Variants in ACSBG1 observed in about 807,000 individuals in gnomAD.
ACSBG1 encodes acyl-CoA synthetase bubblegum family member 1, also known as long-chain-fatty-acid--CoA ligase ACSBG1.
A neutral mutation model predicts 80.2 loss-of-function variants in ACSBG1; 39 were observed. The ratio of observed to expected loss-of-function variants is 0.49; its 90% CI spans 0.38 to 0.64. ACSBG1 has a LOEUF of 0.64. Ranked by LOEUF, ACSBG1 falls within the 30% of genes least tolerant of loss-of-function variation. The probability of loss-of-function intolerance (pLI) is 0.00; values close to 1 mark genes in which losing one functional copy is unlikely to be tolerated. For synonymous variants in ACSBG1, 392 were observed against 379.5 expected, an observed-to-expected ratio of 1.03 and a Z score of -0.38; for missense variants, 828 against 966.4, an observed-to-expected ratio of 0.86 and a Z score of 1.90.
rs1462619653 is a variant in ACSBG1, at chr15:78,168,933, A to G, written c.*2511T>C. On this transcript the variant is annotated 3_prime_UTR_variant, in exon 14 of 14. Coordinates refer to ENST00000258873, the MANE Select transcript of ACSBG1 (RefSeq NM_015162.5). The stretch of plus-strand genomic sequence containing the variant: ...TTTCCTTTTCTCAGAGCTTGACAAA[A>G]GATTTGGGAGGCAATGCAAAATGCT... The G allele has an allele frequency of 1.3e-6, 2 of 1,597,646 alleles. No homozygotes were observed. The highest frequency in any genetic ancestry group is 2.2e-5 in the South Asian group (2 of 89,940).
chr15:78,187,158 G>A (rs938401649), intron 5 of ACSBG1, among the ~76,000 whole-genome samples: 3 of 152,174 alleles, frequency 2.0e-5, no homozygotes, highest in Non-Finnish European at 2.9e-5. Context: ...CCAATAACAG[G>A]CTCTGAAATT....
chr15:78,200,845 T>C (rs1348919721), intron 2 of ACSBG1, among the ~76,000 whole-genome samples: 1 of 152,188 alleles, frequency 6.6e-6, no homozygotes, highest in Non-Finnish European at 1.5e-5. Context: ...AAGCCCCCGA[T>C]GGCTCTCATT....
intron 1 of ACSBG1, among the ~76,000 whole-genome samples, chr15:78,209,954 T>C (rs918752528): frequency 2.6e-5 from 4 of 152,224 alleles, no homozygotes; most frequent in African/African-American, 7.2e-5. Flanking sequence ...AGAAAATTAG[T>C]GTAAACTGGT....
intron 2 of ACSBG1, among the ~76,000 whole-genome samples, chr15:78,205,738 C>T (rs2075208107): frequency 2.0e-5 from 3 of 152,210 alleles, no homozygotes; most frequent in Admixed American, 6.5e-5. Flanking sequence ...GGACTTTCAG[C>T]TCTCCTAATC....
At chr15:78,204,068 C>A (rs959469555) in intron 2 of ACSBG1, among the ~76,000 whole-genome samples, 2 of 152,190 alleles carry the variant, frequency 1.3e-5, no homozygotes, top group South Asian at 4.1e-4. Context: ...TTCAGTAGTT[C>A]CTCTGTGTCT....
chr15:78,167,836 TAATTTGA>T lies in ACSBG1; in HGVS notation c.*3601_*3607del, dbSNP rs1424335473. 6.6e-6 allele frequency: 1 copy of T among 152,244 alleles called. No homozygotes were observed. The highest frequency in any genetic ancestry group is 1.5e-5 in the Non-Finnish European group (1 of 68,042). 9.4% of individuals were successfully genotyped at this position (152,244 alleles called of 1,614,324 possible). ...GGTCCCTTCTTTTAAAAAAATTCTGTAATTTGAAATTATATCGTGTGGCCAAAATACA... is the reference window on the plus strand; with the variant it reads ...GGTCCCTTCTTTTAAAAAAATTCTGTAATTATATCGTGTGGCCAAAATACA... On this transcript the variant is annotated 3_prime_UTR_variant, in exon 14 of 14. Transcript: ENST00000258873.
chr15:78,221,205 G>A (rs1383634369), intron 1 of ACSBG1, among the ~76,000 whole-genome samples: 5 of 152,108 alleles, frequency 3.3e-5, no homozygotes, highest in East Asian at 1.9e-4. Flanking sequence ...CTGCACCGGC[G>A]CCGGTCTCTG....
At position 78,223,430 on chromosome 15, in the gene ACSBG1, A is replaced by G. The variant is rs73463158; in HGVS notation, c.131+10941T>C. Among the ~76,000 whole-genome samples, 417 of 152,296 alleles carry G rather than the reference A, an allele frequency of 2.7e-3. 2 individuals are homozygous for G. Among genetic ancestry groups the G allele is most frequent in the African/African-American group, 9.6e-3 (401 of 41,556 alleles). On this transcript the variant is annotated intron_variant, in intron 1 of 13. Transcript: ENST00000258873. ...TGCACATCCTGCACATGTACCACAA[A>G]ACCAAAAATGAAAATAAATTAAAAA...
rs1317094623 is a variant in ACSBG1 at position 78,169,063 on chromosome 15, G to A, written c.*2381C>T. ...CTAAATGGACACCACATGAACCTCT[G>A]TTTAGAATACCTACGTATGTATGCA... On this transcript the variant is annotated 3_prime_UTR_variant, in exon 14 of 14. Coordinates refer to ENST00000258873, the MANE Select transcript of ACSBG1 (RefSeq NM_015162.5). 6 of 1,049,346 alleles carry A rather than the reference G, an allele frequency of 5.7e-6. No homozygotes were observed. Among genetic ancestry groups the A allele is most frequent in the Non-Finnish European group, 8.8e-6 (6 of 682,420 alleles). The allele number at this position is 1,049,346 out of a possible 1,614,324, so 65.0% of individuals were successfully genotyped here. A position where few individuals can be genotyped will look rare whatever the true frequency, so the allele number is the denominator to read the frequency against.
At chr15:78,206,020 C>CCCG (rs1056899506) in intron 2 of ACSBG1, among the ~76,000 whole-genome samples, 29 of 152,322 alleles carry the variant, frequency 1.9e-4, no homozygotes, top group African/African-American at 6.7e-4. Flanking sequence ...AGAGGCTCCC[C>CCCG]CTCCACCCCC....
chr15:78,174,600 C>T (rs774795760), intron 11 of ACSBG1, 76 bp from the exon 12 acceptor site: 51 of 1,521,710 alleles, frequency 3.4e-5, no homozygotes, highest in Admixed American at 5.9e-5. Context: ...CAAGCCTCAA[C>T]CACAACCCGG....
At chr15:78,230,302 G>A (rs868032359) in intron 1 of ACSBG1, among the ~76,000 whole-genome samples, 2 of 152,210 alleles carry the variant, frequency 1.3e-5, no homozygotes, top group East Asian at 3.8e-4. Context: ...CAGTCACTGG[G>A]ATCCAGCCCT....
rs767615515 is a variant in ACSBG1, at chr15:78,234,463, G to A, written c.39C>T (p.His13=). ...TGCTGTCCAGCATGCTGGGGTCCCC[G>A]TGTGGGCAGCCGTATCCAGCTCCAG... ...RNSGAGYGCP[H]GDPSMLDSRE... Residue 13 remains histidine (H), a synonymous_variant, in exon 1 of 14, where the codon CAC becomes CAT. Transcript: ENST00000258873. 14 of 1,612,506 alleles carry A rather than the reference G, an allele frequency of 8.7e-6. No individual in the cohort carries two copies. Among genetic ancestry groups the A allele is most frequent in the African/African-American group, 2.7e-5 (2 of 74,888 alleles).
chr15:78,194,630 T>C lies in ACSBG1; in HGVS notation c.329A>G (p.Tyr110Cys), dbSNP rs769128908. The C allele has an allele frequency of 4.3e-6, 7 of 1,614,120 alleles. No individual in the cohort carries two copies. The African/African-American group carries it at 5.3e-5, about 12-fold the overall frequency. Residue 110 changes from tyrosine to cysteine, a missense_variant, in exon 3 of 14, where the codon TAC (tyrosine) becomes TGC (cysteine). Transcript: ENST00000258873. Reference sequence around the variant, plus strand: ...GTCCCCATACTTATCCAGGGCCTCGTAGAACATCCGATGCACAGTGTAGGG... The same window carrying C: ...GTCCCCATACTTATCCAGGGCCTCGCAGAACATCCGATGCACAGTGTAGGG... ...QLPYTVHRMFYEALDKYGDLI... is the reference protein window; with the variant it reads ...QLPYTVHRMFCEALDKYGDLI...
chr15:78,189,484 T>C (rs1257118413), intron 5 of ACSBG1, among the ~76,000 whole-genome samples: 1 of 151,974 alleles, frequency 6.6e-6, no homozygotes, highest in South Asian at 2.1e-4. Context: ...TGGAATACTA[T>C]GCAGCCATAA....
intron 1 of ACSBG1, among the ~76,000 whole-genome samples, chr15:78,215,323 T>C (rs2075298618): frequency 8.6e-6 from 1 of 116,722 alleles, no homozygotes; most frequent in Admixed American, 8.1e-5. Flanking sequence ...CCTTCAAGGC[T>C]AGCTCTGGAT....
At chr15:78,182,331 G>A in intron 7 of ACSBG1, 135 bp downstream of exon 7, 1 of 1,362,560 alleles carries the variant, frequency 7.3e-7, no homozygotes, top group South Asian at 1.3e-5. Context: ...AGATTGATGG[G>A]CTGTTCTACC....
chr15:78,204,317 G>A (rs1165360074), intron 2 of ACSBG1, among the ~76,000 whole-genome samples: 2 of 152,220 alleles, frequency 1.3e-5, no homozygotes, highest in Non-Finnish European at 2.9e-5. Context: ...GACCTGAGAT[G>A]GGCTTTACCT....
At position 78,200,852 on chromosome 15, in the gene ACSBG1, C is replaced by T. The variant is rs557788110; in HGVS notation, c.233-6126G>A. Among the ~76,000 whole-genome samples the T allele has an allele frequency of 2.6e-5, 4 of 152,320 alleles. No homozygotes were observed. In the South Asian group the frequency reaches 8.3e-4, roughly 32 times the overall value. On this transcript the variant is annotated intron_variant, in intron 2 of 13. Transcript: ENST00000258873. Reference sequence around the variant, plus strand: ...CTGCTCAAAAGCCCCCGATGGCTCTCATTGACCACAGGGAGACGTCTATAC... The same window carrying T: ...CTGCTCAAAAGCCCCCGATGGCTCTTATTGACCACAGGGAGACGTCTATAC...
Sources: allele counts gnomAD v4.1 joint callset (sites outside exome capture counted in the v4.1 genomes callset), GRCh38; gene constraint gnomAD v4.1.1; transcripts MANE v1.5; gene names NCBI Gene and HGNC (gene_info 2026-07-23, HGNC 2026-07-21).